Variants in COL23A1 observed in about 807,000 individuals in gnomAD.
The protein encoded by COL23A1 is collagen type XXIII alpha 1 chain.
In COL23A1, 97 loss-of-function variants were observed where a neutral mutation model predicts 99.3. The ratio of observed to expected loss-of-function variants is 0.98; its 90% CI spans 0.83 to 1.16. The LOEUF is 1.16. Among genes scored for constraint, COL23A1 ranks in the 50% most tolerant of loss-of-function variants. The probability of loss-of-function intolerance (pLI) is 0.00; values close to 1 mark genes in which losing one functional copy is unlikely to be tolerated. For missense variants in COL23A1, 762 were observed against 757.4 expected, an observed-to-expected ratio of 1.01 and a Z score of -0.07; for synonymous variants, 320 against 308.2, an observed-to-expected ratio of 1.04 and a Z score of -0.40.
intron 2 of COL23A1, among the ~76,000 whole-genome samples, chr5:178,321,480 CTTTT>C (rs570803192): frequency 3.2e-3 from 352 of 109,002 alleles, no homozygotes; most frequent in African/African-American, 0.013. Context: ...GTCACCTTCC[CTTTT>C]TTTTTTTTTT....
chr5:178,379,225 CAT>C (rs1171746943), intron 2 of COL23A1, among the ~76,000 whole-genome samples: 1 of 151,992 alleles, frequency 6.6e-6, no homozygotes, highest in Non-Finnish European at 1.5e-5. Context: ...CTCTCCAAGA[CAT>C]AGTGATCAAC....
intron 2 of COL23A1, among the ~76,000 whole-genome samples, chr5:178,320,780 G>A (rs564755191): frequency 6.6e-6 from 1 of 152,222 alleles, no homozygotes; most frequent in Non-Finnish European, 1.5e-5. Flanking sequence ...GATGTGCCTG[G>A]CCCTTGTCAG....
chr5:178,494,262 A>G (rs1173217211), intron 2 of COL23A1, among the ~76,000 whole-genome samples: 3 of 152,148 alleles, frequency 2.0e-5, no homozygotes, highest in African/African-American at 7.2e-5. Context: ...GGTTCAGGAG[A>G]CACTTGGAGA....
chr5:178,565,285 T>TC lies in COL23A1; in HGVS notation c.295-4538dup, dbSNP rs560695474. ...GAAGAGACAATGTAAACCCTTGAAA[T>TC]CCCCCCGCTGAGGGCAATTTCGGAG... On this transcript the variant is annotated intron_variant, in intron 1 of 28. Transcript: ENST00000390654. Among the ~76,000 whole-genome samples, 281 of 152,054 alleles carry TC rather than the reference T, an allele frequency of 1.8e-3. 1 individual carries two copies. Among genetic ancestry groups the TC allele is most frequent in the African/African-American group, 6.5e-3 (271 of 41,456 alleles).
At chr5:178,354,192 T>C (rs989147675) in intron 2 of COL23A1, among the ~76,000 whole-genome samples, 5 of 152,110 alleles carry the variant, frequency 3.3e-5, no homozygotes, top group African/African-American at 1.2e-4. Flanking sequence ...TGAAGTATAA[T>C]TGGCAAATAA....
At chr5:178,246,979 C>T (rs567660107) in intron 22 of COL23A1, among the ~76,000 whole-genome samples, 2 of 152,264 alleles carry the variant, frequency 1.3e-5, no homozygotes, top group South Asian at 4.1e-4. Flanking sequence ...TTGCTCACGC[C>T]AGGAGGGTGG....
chr5:178,243,142 A>G (rs1764497068), intron 25 of COL23A1, among the ~76,000 whole-genome samples: 2 of 151,426 alleles, frequency 1.3e-5, no homozygotes, highest in African/African-American at 4.9e-5. Flanking sequence ...GTGAGCCGAG[A>G]TCGCACCACT....
At chr5:178,392,432 T>G (rs1764018070) in intron 2 of COL23A1, among the ~76,000 whole-genome samples, 1 of 152,174 alleles carries the variant, frequency 6.6e-6, no homozygotes, top group Non-Finnish European at 1.5e-5. Context: ...AGACACATCT[T>G]CAAACAGAAA....
chr5:178,270,522 G>A (rs766302618), intron 5 of COL23A1, 159 bp from the exon 6 acceptor site: 2 of 816,414 alleles, frequency 2.4e-6, no homozygotes, highest in African/African-American at 1.7e-5. Context: ...GGAGGGGAAG[G>A]CATCTGTGTG....
At chr5:178,315,996 C>T (rs1758964036) in intron 2 of COL23A1, among the ~76,000 whole-genome samples, 1 of 151,982 alleles carries the variant, frequency 6.6e-6, no homozygotes, top group African/African-American at 2.4e-5. Context: ...AACATAAAAC[C>T]CAGAGAATGT....
Position 178,256,271 on chromosome 5 carries a change from T to C in COL23A1, c.882+82A>G. The C allele has an allele frequency of 5.1e-6, 5 of 971,736 alleles. No individual in the cohort carries two copies. The South Asian group carries it at 1.2e-4, about 24-fold the overall frequency. The allele number at this position is 971,736 out of a possible 1,614,324, so 60.2% of individuals were successfully genotyped here. A position where few individuals can be genotyped will look rare whatever the true frequency, so the allele number is the denominator to read the frequency against. On this transcript the variant is annotated intron_variant, in intron 15 of 28. Coordinates refer to ENST00000390654, the MANE Select transcript of COL23A1 (RefSeq NM_173465.4). ...CTGTAGCTCCACTGCTCCTCTGGGG[T>C]CTCTGTGGGGACAGGGGCTTCTGAA...
intron 2 of COL23A1, among the ~76,000 whole-genome samples, chr5:178,361,021 G>A (rs552191172): frequency 5.4e-4 from 83 of 152,312 alleles, no homozygotes; most frequent in African/African-American, 1.9e-3. Flanking sequence ...ACACACTCTG[G>A]CCACATCCTT....
At chr5:178,315,755 G>T (rs1018875516) in intron 2 of COL23A1, among the ~76,000 whole-genome samples, 8 of 140,310 alleles carry the variant, frequency 5.7e-5, no homozygotes, top group African/African-American at 1.8e-4. Flanking sequence ...TCTAGTAGAA[G>T]CACTGACTTT....
At chr5:178,559,323 C>T (rs929265434) in intron 2 of COL23A1, among the ~76,000 whole-genome samples, 1 of 152,206 alleles carries the variant, frequency 6.6e-6, no homozygotes, top group African/African-American at 2.4e-5. Flanking sequence ...GGACACTTGG[C>T]TAATGGAAGG....
intron 2 of COL23A1, among the ~76,000 whole-genome samples, chr5:178,481,554 G>A (rs1434429472): frequency 6.6e-6 from 1 of 151,980 alleles, no homozygotes; most frequent in Non-Finnish European, 1.5e-5. Flanking sequence ...ATTAAAAAAT[G>A]GGCAAAGAGC....
intron 2 of COL23A1, among the ~76,000 whole-genome samples, chr5:178,420,188 G>A (rs371786400): frequency 3.3e-5 from 5 of 152,164 alleles, no homozygotes; most frequent in Admixed American, 2.6e-4. Flanking sequence ...CACGGCTTAG[G>A]GAAAGCATAC....
intron 3 of COL23A1, among the ~76,000 whole-genome samples, chr5:178,296,822 A>G (rs1183473433): frequency 1.3e-5 from 2 of 151,990 alleles, no homozygotes; most frequent in East Asian, 1.9e-4. Context: ...TTTAAAACAC[A>G]CTGCCCACCA....
rs754335771 is a variant in COL23A1 at position 178,439,029 on chromosome 5, G to C, written c.361+121653C>G. 1 of 152,218 alleles carries C rather than the reference G, an allele frequency of 6.6e-6. No homozygotes were observed. Among genetic ancestry groups the C allele is most frequent in the African/African-American group, 2.4e-5 (1 of 41,442 alleles). The allele number at this position is 152,218 out of a possible 1,614,324, so 9.4% of individuals were successfully genotyped here. On this transcript the variant is annotated intron_variant, in intron 2 of 28. Coordinates refer to ENST00000390654, the MANE Select transcript of COL23A1 (RefSeq NM_173465.4). This position sits in a 1 kb window ranked among gnomAD's most constrained non-coding sequence, Gnocchi z 4.2. ...GCCTGAGAGCTTGACTCAGCCCAGT[G>C]TGCATTCAAATCACCTGGGAGCTTG...
At chr5:178,346,706 C>G (rs1333188900) in intron 2 of COL23A1, among the ~76,000 whole-genome samples, 1 of 152,174 alleles carries the variant, frequency 6.6e-6, no homozygotes, top group African/African-American at 2.4e-5. Context: ...ACACAAGGGC[C>G]CTTTTCATTC....
Sources: allele counts gnomAD v4.1 joint callset (sites outside exome capture counted in the v4.1 genomes callset), GRCh38; gene constraint gnomAD v4.1.1; non-coding constraint Gnocchi (gnomAD v3.1); transcripts MANE v1.5; gene names NCBI Gene and HGNC (gene_info 2026-07-23, HGNC 2026-07-21).